ITPKB: variants seen among roughly 807,000 people sequenced by gnomAD.
ITPKB encodes inositol-trisphosphate 3-kinase B, also known as IP3 3-kinase B.
A neutral mutation model predicts 69.4 loss-of-function variants in ITPKB; 13 were observed. The ratio of observed to expected loss-of-function variants is 0.19; its 90% CI spans 0.12 to 0.30. The LOEUF is 0.30. Ranked by LOEUF, ITPKB falls within the 10% of genes least tolerant of loss-of-function variation. ITPKB has a pLI of 1.00. For synonymous variants in ITPKB, 584 were observed against 513.7 expected (o/e 1.14, Z -1.85); for missense variants, 1,240 against 1,250.5 (o/e 0.99, Z 0.13).
chr1:226,647,052 C>CCT (rs1033703719), intron 4 of ITPKB, 115 bp downstream of exon 4: 1 of 846,908 alleles, frequency 1.2e-6, no homozygotes, highest in African/African-American at 1.7e-5. Flanking sequence ...CCAACAGCCT[C>CCT]CTCAGCCTGC....
At chr1:226,709,724 C>T (rs1292709619) in intron 2 of ITPKB, among the ~76,000 whole-genome samples, 1 of 152,218 alleles carries the variant, frequency 6.6e-6, no homozygotes, top group Non-Finnish European at 1.5e-5. Context: ...TAGCCCTCAC[C>T]TGTCCCTGTC....
At chr1:226,701,663 A>AT (rs1458258095) in intron 2 of ITPKB, among the ~76,000 whole-genome samples, 1 of 151,634 alleles carries the variant, frequency 6.6e-6, no homozygotes, top group Non-Finnish European at 1.5e-5. Context: ...CAAGGACTTA[A>AT]TCTCTTAAGC....
intron 2 of ITPKB, among the ~76,000 whole-genome samples, chr1:226,696,917 C>T (rs1223933361): frequency 6.6e-6 from 1 of 152,166 alleles, no homozygotes; most frequent in African/African-American, 2.4e-5. Flanking sequence ...AAACCCAGCA[C>T]ACAGCTCACA....
chr1:226,642,454 A>G lies in ITPKB; in HGVS notation c.2247-329T>C, dbSNP rs1008773702. ...CAAAGTGCTGGGATTACAGGTGTGC[A>G]CCACCACCCAGCCTGGGGTTGGCTC... On this transcript the variant is annotated intron_variant, in intron 4 of 7. Transcript: ENST00000429204. This position sits in a 1 kb window ranked among gnomAD's most constrained non-coding sequence, Gnocchi z 6.4. Among the ~76,000 whole-genome samples the G allele has an allele frequency of 2.0e-5, 3 of 151,878 alleles. No homozygotes were observed. The highest frequency in any genetic ancestry group is 7.3e-5 in the African/African-American group (3 of 41,330).
At chr1:226,700,431 G>C (rs916057026) in intron 2 of ITPKB, among the ~76,000 whole-genome samples, 1 of 118,704 alleles carries the variant, frequency 8.4e-6, no homozygotes, top group Non-Finnish European at 1.6e-5. Context: ...ATCACGCCAC[G>C]GCACTCCAGC....
At chr1:226,661,097 G>C (rs939262067) in intron 2 of ITPKB, among the ~76,000 whole-genome samples, 1 of 152,214 alleles carries the variant, frequency 6.6e-6, no homozygotes, top group African/African-American at 2.4e-5. Context: ...TCCATCTTGG[G>C]CCGCTCTCTC....
At chr1:226,674,048 C>G (rs1333368964) in intron 2 of ITPKB, among the ~76,000 whole-genome samples, 1 of 152,148 alleles carries the variant, frequency 6.6e-6, no homozygotes, top group South Asian at 2.1e-4. Context: ...CAGTTGCCAC[C>G]CCACTAACTC....
At chr1:226,713,780 T>A (rs1260250251) in intron 2 of ITPKB, among the ~76,000 whole-genome samples, 1 of 152,100 alleles carries the variant, frequency 6.6e-6, no homozygotes, top group Non-Finnish European at 1.5e-5. Context: ...AAAGAAAGCA[T>A]CCTGGGTGTT....
At chr1:226,730,768 A>T (rs540203576) in intron 2 of ITPKB, among the ~76,000 whole-genome samples, 1 of 152,256 alleles carries the variant, frequency 6.6e-6, no homozygotes, top group South Asian at 2.1e-4. Context: ...TGTTGTCAAT[A>T]CTCCTAGGAA....
At chr1:226,653,957 C>A (rs993848847) in intron 2 of ITPKB, among the ~76,000 whole-genome samples, 17 of 152,180 alleles carry the variant, frequency 1.1e-4, no homozygotes, top group African/African-American at 4.1e-4. Flanking sequence ...CTGCCTGTTG[C>A]AACCTGGACC....
intron 2 of ITPKB, among the ~76,000 whole-genome samples, chr1:226,704,892 T>A (rs1656764857): frequency 6.6e-6 from 1 of 152,204 alleles, no homozygotes; most frequent in African/African-American, 2.4e-5. Context: ...AAACTCCTCA[T>A]AAAATTTACA....
intron 2 of ITPKB, chr1:226,707,946 C>T: frequency 7.6e-7 from 1 of 1,309,926 alleles, no homozygotes; most frequent in Non-Finnish European, 1.0e-6. Flanking sequence ...GTCATTTTAA[C>T]AAAAATACTC....
intron 2 of ITPKB, among the ~76,000 whole-genome samples, chr1:226,657,997 G>A (rs747075463): frequency 6.6e-6 from 1 of 152,182 alleles, no homozygotes; most frequent in Non-Finnish European, 1.5e-5. Context: ...ACACACGCTC[G>A]GGGAAGGCAC....
chr1:226,701,168 A>C (rs1265256083), intron 2 of ITPKB, among the ~76,000 whole-genome samples: 1 of 152,220 alleles, frequency 6.6e-6, no homozygotes, highest in Non-Finnish European at 1.5e-5. Flanking sequence ...TGTGAGCCGC[A>C]GCAAGGCTGT....
chr1:226,717,412 A>G (rs1353727835), intron 2 of ITPKB, among the ~76,000 whole-genome samples: 2 of 152,194 alleles, frequency 1.3e-5, no homozygotes, highest in Non-Finnish European at 2.9e-5. Flanking sequence ...GACCTTCAGC[A>G]TGACTATGTT....
chr1:226,637,619 G>A lies in ITPKB; in HGVS notation c.2625+60C>T, dbSNP rs1308096662. ...ATGCCCCGGGCTTCTGGAAGGAGAA[G>A]GAGAAGGCCTGTTGGCACGCGCAGC... On this transcript the variant is annotated intron_variant, in intron 7 of 7. Coordinates refer to ENST00000429204, the MANE Select transcript of ITPKB (RefSeq NM_002221.4). The surrounding 1 kb of genome is among the most constrained non-coding windows in gnomAD (Gnocchi z 4.3). 1 of 1,350,744 alleles carries A rather than the reference G, an allele frequency of 7.4e-7. No individual in the cohort carries two copies. Among genetic ancestry groups the A allele is most frequent in the Non-Finnish European group, 1.1e-6 (1 of 944,974 alleles). The allele number at this position is 1,350,744 out of a possible 1,614,324, so 83.7% of individuals were successfully genotyped here. A position where few individuals can be genotyped will look rare whatever the true frequency, so the allele number is the denominator to read the frequency against.
chr1:226,704,238 A>C (rs1420192328), intron 2 of ITPKB, among the ~76,000 whole-genome samples: 1 of 152,248 alleles, frequency 6.6e-6, no homozygotes, highest in Non-Finnish European at 1.5e-5. Context: ...CTTCAGAAAA[A>C]TGTTTAGCAT....
chr1:226,704,761 AG>A (rs1486482620), intron 2 of ITPKB, among the ~76,000 whole-genome samples: 5 of 152,238 alleles, frequency 3.3e-5, no homozygotes, highest in Non-Finnish European at 5.9e-5. Context: ...TAAAACTAAG[AG>A]GCTTTTATCT....
At chr1:226,729,209 C>T (rs1385821837) in intron 2 of ITPKB, among the ~76,000 whole-genome samples, 3 of 152,030 alleles carry the variant, frequency 2.0e-5, no homozygotes, top group Non-Finnish European at 4.4e-5. Flanking sequence ...TGAGGCCAGG[C>T]GCGGTGGCTC....
Sources: allele counts gnomAD v4.1 joint callset (sites outside exome capture counted in the v4.1 genomes callset), GRCh38; gene constraint gnomAD v4.1.1; non-coding constraint Gnocchi (gnomAD v3.1); transcripts MANE v1.5; gene names NCBI Gene and HGNC (gene_info 2026-07-23, HGNC 2026-07-21).